GPM6A: variants seen among roughly 807,000 people sequenced by gnomAD.
GPM6A encodes glycoprotein M6A, also known as neuronal membrane glycoprotein M6-a.
Under a neutral mutation model 32.1 loss-of-function variants are expected in GPM6A, and 7 were observed. The observed-to-expected ratio is 0.22, with a 90% CI of 0.12 to 0.41. The LOEUF is 0.41. Ranked by LOEUF, GPM6A falls within the 10% of genes least tolerant of loss-of-function variation. GPM6A has a pLI of 1.00. For missense variants in GPM6A, 235 were observed against 347.2 expected (o/e 0.68, Z 2.57); for synonymous variants, 130 against 123.4 (o/e 1.05, Z -0.35).
intron 1 of GPM6A, among the ~76,000 whole-genome samples, chr4:175,950,395 A>T (rs1398501203): frequency 6.6e-6 from 1 of 152,218 alleles, no homozygotes; most frequent in Non-Finnish European, 1.5e-5. Context: ...CAAGCACATA[A>T]TATGTTCTAT....
At chr4:175,884,562 C>T (rs1263248592) in intron 1 of GPM6A, among the ~76,000 whole-genome samples, 5 of 152,040 alleles carry the variant, frequency 3.3e-5, no homozygotes, top group South Asian at 2.1e-4. Context: ...TATGGAGTCT[C>T]GCTCTGTTGC....
At chr4:175,705,087 A>AGG (rs1228075881) in intron 1 of GPM6A, among the ~76,000 whole-genome samples, 1 of 152,200 alleles carries the variant, frequency 6.6e-6, no homozygotes, top group Non-Finnish European at 1.5e-5. Flanking sequence ...TACAGCTGCA[A>AGG]GGGGGATACT....
chr4:175,949,304 TTTG>T (rs1269102334), intron 1 of GPM6A, among the ~76,000 whole-genome samples: 23 of 152,142 alleles, frequency 1.5e-4, no homozygotes, highest in East Asian at 1.9e-4. Flanking sequence ...TTTGTTTATT[TTTG>T]TTGTTGTTTT....
At chr4:175,699,453 A>T (rs1014749560) in intron 2 of GPM6A, among the ~76,000 whole-genome samples, 2 of 152,178 alleles carry the variant, frequency 1.3e-5, no homozygotes, top group African/African-American at 4.8e-5. Flanking sequence ...ATTTTTCAGA[A>T]CTAATTAGTA....
intron 1 of GPM6A, among the ~76,000 whole-genome samples, chr4:175,920,850 A>G (rs1222860361): frequency 1.3e-5 from 2 of 151,180 alleles, no homozygotes; most frequent in Admixed American, 6.6e-5. Flanking sequence ...CAAAAAAAAA[A>G]AAAATGCTTT....
At chr4:175,663,556 T>C (rs1275107750) in intron 3 of GPM6A, among the ~76,000 whole-genome samples, 2 of 152,182 alleles carry the variant, frequency 1.3e-5, no homozygotes, top group Non-Finnish European at 2.9e-5. Context: ...CCATGTGAGG[T>C]AATGCGTTTA....
At chr4:175,660,422 C>T (rs1240214133) in intron 3 of GPM6A, among the ~76,000 whole-genome samples, 1 of 151,600 alleles carries the variant, frequency 6.6e-6, no homozygotes. Flanking sequence ...AAGTTGTCTA[C>T]AACCAAGTAT....
intron 1 of GPM6A, among the ~76,000 whole-genome samples, chr4:175,729,954 T>TAC (rs947482196): frequency 6.8e-6 from 1 of 148,026 alleles, no homozygotes; most frequent in African/African-American, 2.5e-5. Flanking sequence ...AATTTATGTA[T>TAC]ATATATATAA....
chr4:175,830,732 T>G lies in GPM6A; in HGVS notation c.-22-18483A>C, dbSNP rs114192363. ...AGGTTCTTACTATATATGTCACGTATGCATGCCGCCATTCTGTACTTACTG... is the reference window on the plus strand; with the variant it reads ...AGGTTCTTACTATATATGTCACGTAGGCATGCCGCCATTCTGTACTTACTG... On this transcript the variant is annotated intron_variant, in intron 1 of 7. Transcript: ENST00000280187. Among the ~76,000 whole-genome samples, 1,058 of 152,304 alleles carry G rather than the reference T, an allele frequency of 6.9e-3. 16 individuals are homozygous for G. The highest frequency in any genetic ancestry group is 0.024 in the African/African-American group (984 of 41,562).
intron 1 of GPM6A, among the ~76,000 whole-genome samples, chr4:175,979,874 C>T (rs559656592): frequency 4.7e-4 from 71 of 152,240 alleles, no homozygotes; most frequent in African/African-American, 1.7e-3. Context: ...GAGCTATTTG[C>T]TTCTTGTTTT....
At chr4:175,642,249 A>T (rs1741192350) in intron 4 of GPM6A, among the ~76,000 whole-genome samples, 1 of 152,174 alleles carries the variant, frequency 6.6e-6, no homozygotes, top group Non-Finnish European at 1.5e-5. Flanking sequence ...CTCCCTAAAA[A>T]ATCACCATTG....
chr4:175,823,434 T>C (rs1404957204), intron 1 of GPM6A, among the ~76,000 whole-genome samples: 1 of 152,166 alleles, frequency 6.6e-6, no homozygotes, highest in African/African-American at 2.4e-5. Flanking sequence ...AATGACAGTC[T>C]TGCAAAAATA....
intron 1 of GPM6A, among the ~76,000 whole-genome samples, chr4:175,997,122 C>G (rs1432037601): frequency 3.9e-5 from 6 of 152,158 alleles, no homozygotes; most frequent in Non-Finnish European, 7.4e-5. Context: ...CCAATCCTGT[C>G]TTCAGATGGC....
intron 1 of GPM6A, among the ~76,000 whole-genome samples, chr4:175,728,794 T>C (rs1177627561): frequency 6.6e-6 from 1 of 152,194 alleles, no homozygotes; most frequent in East Asian, 1.9e-4. Context: ...ATCTGTAGCC[T>C]TTGCATTTCT....
chr4:175,936,306 CAAAAAAAAAAAAAAAA>C (rs35653197), intron 1 of GPM6A, among the ~76,000 whole-genome samples: 1 of 45,576 alleles, frequency 2.2e-5, no homozygotes, highest in Non-Finnish European at 3.7e-5. Flanking sequence ...ACTCTGTCTC[CAAAAAAAAAAAAAAAA>C]AAAAAAAAAA....
intron 6 of GPM6A, among the ~76,000 whole-genome samples, chr4:175,637,188 T>TGA (rs1740698271): frequency 9.8e-6 from 1 of 101,578 alleles, no homozygotes; most frequent in South Asian, 2.6e-4. Flanking sequence ...GTGACATATA[T>TGA]CATATATTAT....
intron 1 of GPM6A, among the ~76,000 whole-genome samples, chr4:175,929,705 A>G (rs1483341574): frequency 6.6e-6 from 1 of 152,184 alleles, no homozygotes; most frequent in Non-Finnish European, 1.5e-5. Flanking sequence ...CTTTGGGCAT[A>G]TTAGTTAATC....
At chr4:175,817,513 A>T (rs1257158964) in intron 1 of GPM6A, among the ~76,000 whole-genome samples, 1 of 152,214 alleles carries the variant, frequency 6.6e-6, no homozygotes, top group Admixed American at 6.5e-5. Flanking sequence ...ACATGAGCCT[A>T]CCTCAAGGAT....
intron 1 of GPM6A, among the ~76,000 whole-genome samples, chr4:175,729,306 T>C (rs1368049076): frequency 1.3e-5 from 2 of 152,128 alleles, no homozygotes; most frequent in Admixed American, 1.3e-4. Flanking sequence ...CATCCTACTC[T>C]AGGGATTATA....
Sources: allele counts gnomAD v4.1 joint callset (sites outside exome capture counted in the v4.1 genomes callset), GRCh38; gene constraint gnomAD v4.1.1; transcripts MANE v1.5; gene names NCBI Gene and HGNC (gene_info 2026-07-23, HGNC 2026-07-21).